GUCY2C: variants seen among roughly 807,000 people sequenced by gnomAD.
GUCY2C encodes guanylyl cyclase C.
GUCY2C carries 118 observed loss-of-function variants against 131.1 expected under a neutral mutation model. The observed-to-expected ratio is 0.90, with a 90% confidence interval of 0.78 to 1.05. The LOEUF (loss-of-function observed/expected upper bound fraction) is 1.05, where lower values mean the gene tolerates loss of function less well. Ranked by LOEUF, GUCY2C falls within the 50% of genes least tolerant of loss-of-function variation. The probability of loss-of-function intolerance (pLI) is 0.00; values close to 1 mark genes in which losing one functional copy is unlikely to be tolerated. For missense variants in GUCY2C, 1,161 were observed against 1,304.4 expected, an observed-to-expected ratio of 0.89 and a Z score of 1.69; for synonymous variants, 452 against 457.8, an observed-to-expected ratio of 0.99 and a Z score of 0.16.
At chr12:14,682,011 A>G (rs1948356704) in intron 4 of GUCY2C, among the ~76,000 whole-genome samples, 1 of 152,196 alleles carries the variant, frequency 6.6e-6, no homozygotes, top group Non-Finnish European at 1.5e-5. Context: ...CTAGACGTGC[A>G]TCCCTGGTGG....
At chr12:14,679,299 CA>C (rs1401436546) in intron 6 of GUCY2C, among the ~76,000 whole-genome samples, 1 of 152,122 alleles carries the variant, frequency 6.6e-6, no homozygotes, top group Non-Finnish European at 1.5e-5. Flanking sequence ...CTCCTGGACT[CA>C]AGCAATCCTC....
intron 21 of GUCY2C, among the ~76,000 whole-genome samples, chr12:14,624,028 A>G (rs1946952751): frequency 6.6e-6 from 1 of 152,212 alleles, no homozygotes; most frequent in Non-Finnish European, 1.5e-5. Context: ...AGAGAAACTC[A>G]TGTTGTAAAT....
chr12:14,661,916 T>C (rs1947875290), intron 10 of GUCY2C, among the ~76,000 whole-genome samples: 1 of 151,702 alleles, frequency 6.6e-6, no homozygotes, highest in African/African-American at 2.4e-5. Flanking sequence ...ATAGATGGAG[T>C]AAGTGGAAAG....
intron 6 of GUCY2C, among the ~76,000 whole-genome samples, chr12:14,677,307 G>T (rs1204024956): frequency 6.6e-6 from 1 of 152,106 alleles, no homozygotes; most frequent in Non-Finnish European, 1.5e-5. Flanking sequence ...CTTTCTTTAA[G>T]TGCTTTTAAC....
chr12:14,640,476 A>G (rs1476761313), intron 18 of GUCY2C, among the ~76,000 whole-genome samples: 16 of 150,836 alleles, frequency 1.1e-4, no homozygotes, highest in African/African-American at 3.4e-4. Flanking sequence ...AAAAAAAAAA[A>G]AAAGAAAGAA....
chr12:14,646,380 G>A (rs1248271888), intron 15 of GUCY2C, among the ~76,000 whole-genome samples: 1 of 152,130 alleles, frequency 6.6e-6, no homozygotes, highest in Non-Finnish European at 1.5e-5. Context: ...AGGCTGGTTG[G>A]GCTGTGGGTA....
chr12:14,631,549 A>C (rs1947147746), intron 19 of GUCY2C, among the ~76,000 whole-genome samples: 1 of 152,082 alleles, frequency 6.6e-6, no homozygotes, highest in Admixed American at 6.5e-5. Context: ...GTCCCTACAA[A>C]GGACACGAGC....
intron 10 of GUCY2C, among the ~76,000 whole-genome samples, chr12:14,664,162 C>T (rs979178766): frequency 1.3e-5 from 2 of 152,130 alleles, no homozygotes; most frequent in Non-Finnish European, 2.9e-5. Flanking sequence ...CTACTCTCAT[C>T]GGGGCAGAAA....
In GUCY2C at chr12:14,652,947, G is replaced by A; in HGVS notation, c.1533+5C>T. On this transcript the variant is annotated splice_donor_5th_base_variant and intron_variant, in intron 13 of 26. Transcript: ENST00000261170. ...TGGAGAGTTCAGAGAAGTGGGAGAGGTCACCTTTTTGTCGTATTTGCACTG... is the reference window on the plus strand; with the variant it reads ...TGGAGAGTTCAGAGAAGTGGGAGAGATCACCTTTTTGTCGTATTTGCACTG... The A allele has an allele frequency of 6.3e-7, 1 of 1,594,140 alleles. No individual in the cohort carries two copies. The highest frequency in any genetic ancestry group is 1.1e-5 in the South Asian group (1 of 90,710).
rs752944982 is a variant in GUCY2C, at chr12:14,625,779, G to C, written c.2386C>G (p.Leu796Val). ...YKAERDRADR[L>V]NFMLLPRLVV... is the part of the protein sequence containing the mutation. ...TACCTTGGAAGCAACATAAAGTTAAGTCTGTCAGCCCTGTCCCTCTCTGCC... is the reference window on the plus strand; with the variant it reads ...TACCTTGGAAGCAACATAAAGTTAACTCTGTCAGCCCTGTCCCTCTCTGCC... The change falls in exon 21 of 27, where the codon CTT becomes GTT. Residue 796 changes from leucine to valine, a missense_variant. By Grantham distance (32) the Leu-to-Val change is conservative. Transcript: ENST00000261170. The C allele has an allele frequency of 6.2e-7, 1 of 1,613,950 alleles. No individual in the cohort carries two copies. Among genetic ancestry groups the C allele is most frequent in the East Asian group, 2.2e-5 (1 of 44,880 alleles).
At chr12:14,622,509 C>T (rs537622902) in intron 21 of GUCY2C, among the ~76,000 whole-genome samples, 1 of 152,166 alleles carries the variant, frequency 6.6e-6, no homozygotes, top group Non-Finnish European at 1.5e-5. Flanking sequence ...CATATACATA[C>T]TTGTCCACTT....
intron 8 of GUCY2C, 81 bp from the exon 9 acceptor site, chr12:14,673,039 A>C: frequency 5.1e-6 from 4 of 788,088 alleles, no homozygotes; most frequent in Non-Finnish European, 9.2e-6. Flanking sequence ...GAGAGTGTAA[A>C]ATGGGTTCAA....
chr12:14,693,722 A>G lies in GUCY2C; in HGVS notation c.217+2510T>C, dbSNP rs185447238. Among the ~76,000 whole-genome samples, 5 of 152,348 alleles carry G rather than the reference A, an allele frequency of 3.3e-5. No homozygotes were observed. In the South Asian group the frequency reaches 6.2e-4, roughly 19 times the overall value. On this transcript the variant is annotated intron_variant, in intron 1 of 26. Transcript: ENST00000261170. Reference sequence around the variant, plus strand: ...CATCACAGCTTATTCCTTCATCTCCATAGAGCTCTCCACTTAAATGATCCA... The same window carrying G: ...CATCACAGCTTATTCCTTCATCTCCGTAGAGCTCTCCACTTAAATGATCCA...
intron 21 of GUCY2C, among the ~76,000 whole-genome samples, chr12:14,625,245 C>T (rs756049311): frequency 2.0e-5 from 3 of 152,140 alleles, no homozygotes; most frequent in Non-Finnish European, 4.4e-5. Context: ...GGGTAGAATC[C>T]CAGCTCTGCC....
chr12:14,616,423 T>C (rs1409770274), intron 25 of GUCY2C, among the ~76,000 whole-genome samples: 1 of 152,054 alleles, frequency 6.6e-6, no homozygotes, highest in African/African-American at 2.4e-5. Flanking sequence ...GCTGGCAGAG[T>C]TCAAAATCTC....
At chr12:14,660,917 C>G in intron 11 of GUCY2C, 64 bp downstream of exon 11, 1 of 1,007,476 alleles carries the variant, frequency 9.9e-7, no homozygotes, top group Non-Finnish European at 1.6e-6. Context: ...GACAACAGAC[C>G]TCTCCCACTT....
rs1948345733 is a variant in GUCY2C, at chr12:14,681,420, C to T, written c.669G>A (p.Lys223=). The T allele has an allele frequency of 1.2e-6, 2 of 1,612,232 alleles. No homozygotes were observed. Among genetic ancestry groups the T allele is most frequent in the African/African-American group, 1.3e-5 (1 of 74,832 alleles). ...VSYFSHELGF[K]VVLRQDKEFQ... ...ACTCCTTATCTTGTCTTAACACCAC[C>T]TTAAAGCCGAGTTCGTGGGAGAAAT... The change falls in exon 5 of 27, where the codon AAG becomes AAA. Residue 223 remains lysine (K), a synonymous_variant. Coordinates refer to ENST00000261170, the MANE Select transcript of GUCY2C (RefSeq NM_004963.4).
chr12:14,662,760 C>T (rs897075487), intron 10 of GUCY2C, among the ~76,000 whole-genome samples: 69 of 151,196 alleles, frequency 4.6e-4, no homozygotes, highest in South Asian at 1.3e-3. Flanking sequence ...GAAAATGTTT[C>T]CTTGTTTTCA....
chr12:14,661,637 C>T (rs1947868623), intron 10 of GUCY2C, among the ~76,000 whole-genome samples: 2 of 152,090 alleles, frequency 1.3e-5, no homozygotes, highest in South Asian at 2.1e-4. Flanking sequence ...TGGGGTTTCG[C>T]CATGTTGCTG....
Sources: allele counts gnomAD v4.1 joint callset (sites outside exome capture counted in the v4.1 genomes callset), GRCh38; gene constraint gnomAD v4.1.1; transcripts MANE v1.5; gene names NCBI Gene and HGNC (gene_info 2026-07-23, HGNC 2026-07-21).